NCAPD3: variants seen among roughly 807,000 people sequenced by gnomAD.
The protein encoded by NCAPD3 is non-SMC condensin II complex subunit D3.
In NCAPD3, 105 loss-of-function variants were observed where a neutral mutation model predicts 182.9. The ratio of observed to expected loss-of-function variants is 0.57; its 90% confidence interval spans 0.49 to 0.68. The LOEUF is 0.68. Ranked by LOEUF, NCAPD3 falls within the 30% of genes least tolerant of loss-of-function variation. NCAPD3 has a pLI of 0.00. For synonymous variants in NCAPD3, 815 were observed against 679.9 expected, an observed-to-expected ratio of 1.20 and a Z score of -3.09; for missense variants, 1,944 against 1,837.0, an observed-to-expected ratio of 1.06 and a Z score of -1.07.
intron 19 of NCAPD3, among the ~76,000 whole-genome samples, chr11:134,182,148 G>A (rs373893937): frequency 3.9e-5 from 6 of 152,176 alleles, no homozygotes; most frequent in African/African-American, 1.4e-4. Flanking sequence ...CAGAACCTGG[G>A]TACTAGGACT....
intron 20 of NCAPD3, 46 bp downstream of exon 20, chr11:134,181,031 G>A (rs757801923): frequency 7.1e-7 from 1 of 1,415,446 alleles, no homozygotes; most frequent in South Asian, 1.2e-5. Flanking sequence ...GAACCTCACG[G>A]ATAAAATGGA....
intron 27 of NCAPD3, among the ~76,000 whole-genome samples, chr11:134,165,290 G>A (rs547170061): frequency 6.1e-5 from 9 of 148,702 alleles, no homozygotes; most frequent in African/African-American, 2.2e-4. Flanking sequence ...CTTGTGAGAT[G>A]AACTTAGGGA....
intron 27 of NCAPD3, among the ~76,000 whole-genome samples, chr11:134,164,135 A>T (rs1306317709): frequency 3.9e-5 from 6 of 152,190 alleles, no homozygotes; most frequent in African/African-American, 1.4e-4. Context: ...TTGGCAATCC[A>T]GGCTAGGAGG....
intron 15 of NCAPD3, among the ~76,000 whole-genome samples, chr11:134,193,123 T>A (rs1174881528): frequency 6.6e-6 from 1 of 152,230 alleles, no homozygotes; most frequent in African/African-American, 2.4e-5. Flanking sequence ...AAAGTCACTA[T>A]TTTACTAGTA....
At chr11:134,153,488 C>T (rs1204473566) in intron 32 of NCAPD3, 125 bp from the exon 33 acceptor site, 5 of 925,770 alleles carry the variant, frequency 5.4e-6, no homozygotes, top group Non-Finnish European at 8.9e-6. Context: ...CTCAGACCTC[C>T]ACTGGACCCT....
chr11:134,169,642 C>A (rs1000575983), intron 24 of NCAPD3, among the ~76,000 whole-genome samples: 1 of 152,202 alleles, frequency 6.6e-6, no homozygotes, highest in Non-Finnish European at 1.5e-5. Context: ...CTCCTTCCAC[C>A]CATGCCCTCA....
At chr11:134,203,252 A>G in intron 11 of NCAPD3, 54 bp from the exon 12 acceptor site, 1 of 1,260,524 alleles carries the variant, frequency 7.9e-7, no homozygotes, top group East Asian at 2.3e-5. Flanking sequence ...AAACTGAGTA[A>G]TTATCCACGG....
chr11:134,156,993 C>A (rs753185858), intron 32 of NCAPD3, 25 bp downstream of exon 32: 1 of 1,582,902 alleles, frequency 6.3e-7, no homozygotes, highest in Non-Finnish European at 8.7e-7. Context: ...GAGGAGAAGC[C>A]CACGTGTTCC....
rs1943251038 is a variant in NCAPD3 at position 134,151,923 on chromosome 11, C to T, written c.*1021G>A. On this transcript the variant is annotated 3_prime_UTR_variant, in exon 35 of 35. Transcript: ENST00000534548. Reference sequence around the variant, plus strand: ...TGCTCAAGAGCAGTGCTGCGCCTCTCCGCCACCGAGCCCACCTGTGTTGCG... The same window carrying T: ...TGCTCAAGAGCAGTGCTGCGCCTCTTCGCCACCGAGCCCACCTGTGTTGCG... The T allele has an allele frequency of 6.6e-6, 1 of 152,202 alleles. No homozygotes were observed. The highest frequency in any genetic ancestry group is 2.4e-5 in the African/African-American group (1 of 41,450). 9.4% of individuals were successfully genotyped at this position (152,202 alleles called of 1,614,324 possible).
intron 27 of NCAPD3, among the ~76,000 whole-genome samples, 199 bp downstream of exon 27, chr11:134,167,795 ACT>A (rs769936509): frequency 2.2e-4 from 28 of 129,056 alleles, no homozygotes; most frequent in South Asian, 1.0e-3. Context: ...GGAGGTGCAC[ACT>A]CGTGAGATGA....
At chr11:134,174,400 A>T (rs1258001599) in intron 24 of NCAPD3, among the ~76,000 whole-genome samples, 2 of 150,800 alleles carry the variant, frequency 1.3e-5, no homozygotes, top group East Asian at 3.9e-4. Flanking sequence ...AAAAAAAAAA[A>T]AAAAAAGCAA....
At chr11:134,211,054 A>G (rs116801241) in intron 3 of NCAPD3, among the ~76,000 whole-genome samples, 1,596 of 152,328 alleles carry the variant, frequency 0.01, 24 homozygotes, top group African/African-American at 0.037. Context: ...CCAAGGAGCA[A>G]GAAGATGAAT....
rs184700874 is a variant in NCAPD3, at chr11:134,211,395, T to C, written c.383-941A>G. 4.2e-3 allele frequency among the ~76,000 whole-genome samples: 637 copies of C among 152,180 alleles called. 4 individuals are homozygous for C. Among genetic ancestry groups the C allele is most frequent in the African/African-American group, 0.015 (610 of 41,508 alleles). On this transcript the variant is annotated intron_variant, in intron 3 of 34. Coordinates refer to ENST00000534548, the MANE Select transcript of NCAPD3 (RefSeq NM_015261.3). ...AAGGGCAGTGGCTCATGCCTGTAAT[T>C]CCAACACTTTGGGAGGCTGAGGTGG...
At chr11:134,161,026 A>G (rs1354130484) in intron 28 of NCAPD3, among the ~76,000 whole-genome samples, 4 of 152,086 alleles carry the variant, frequency 2.6e-5, no homozygotes, top group Non-Finnish European at 4.4e-5. Context: ...TTATCATACA[A>G]TGAGACTATC....
chr11:134,178,696 G>T lies in NCAPD3; in HGVS notation c.2720C>A (p.Pro907His). 2 of 1,601,598 alleles carry T rather than the reference G, an allele frequency of 1.2e-6. No homozygotes were observed. Among genetic ancestry groups the T allele is most frequent in the Admixed American group, 1.7e-5 (1 of 59,308 alleles). ...GSSEAPASQP[P>H]PQVRGSVMPS... is the part of the protein sequence containing the mutation. ...CATGACAGAACCTCTGACCTGGGGG[G>T]GTGGCTGAGACGCTGGGGCCTCACT... is the stretch of plus-strand genomic sequence containing the variant. The change falls in exon 22 of 35, where the codon CCC (proline) becomes CAC (histidine). Residue 907 changes from proline (P) to histidine (H), a missense_variant. Pro to His is a moderately conservative substitution (Grantham distance 77). Coordinates refer to ENST00000534548, the MANE Select transcript of NCAPD3 (RefSeq NM_015261.3).
In NCAPD3 at chr11:134,157,957, G is replaced by C. The variant is rs1943470224; in HGVS notation, c.4145C>G (p.Ser1382Cys). Residue 1382 changes from serine (S) to cysteine (C), a missense_variant, in exon 31 of 35, where the codon TCT (serine) becomes TGT (cysteine). Around this residue, in one of 3 missense-constraint regions of NCAPD3, gnomAD observed 1,803 missense variants for 1,674.6 expected, o/e 1.08. Transcript: ENST00000534548. ...ACTGCACGTTTTTTCTGGGCTTCCA[G>C]AATTTAAAGTGAAAGGCAGCACTCC... ...SLGVLPFTLN[S>C]GSPEKTCSQV... 6.2e-7 allele frequency: 1 copy of C among 1,614,136 alleles called. No individual in the cohort carries two copies. Among genetic ancestry groups the C allele is most frequent in the Non-Finnish European group, 8.5e-7 (1 of 1,180,000 alleles).
intron 27 of NCAPD3, among the ~76,000 whole-genome samples, chr11:134,165,052 T>TA (rs1334915352): frequency 7.1e-6 from 1 of 141,548 alleles, no homozygotes; most frequent in Non-Finnish European, 1.5e-5. Context: ...TGCACACACT[T>TA]AGATTAGCTG....
At position 134,158,210 on chromosome 11, in the gene NCAPD3, G is replaced by A. The variant is rs531542399; in HGVS notation, c.4034+119C>T. 1.2e-4 allele frequency: 177 copies of A among 1,518,378 alleles called. No individual in the cohort carries two copies. The African/African-American group carries it at 1.8e-3, about 15-fold the overall frequency. The allele number at this position is 1,518,378 out of a possible 1,614,324, so 94.1% of individuals were successfully genotyped here. ...AACCTCCCAGGGCACAGTGTGGAGC[G>A]GGGTGGCAGGCCAGACAATGACAAT... On this transcript the variant is annotated intron_variant, in intron 30 of 34. Coordinates refer to ENST00000534548, the MANE Select transcript of NCAPD3 (RefSeq NM_015261.3).
At chr11:134,185,028 G>A (rs750900874) in intron 17 of NCAPD3, 28 bp from the exon 18 acceptor site, 6 of 1,535,040 alleles carry the variant, frequency 3.9e-6, no homozygotes, top group South Asian at 2.2e-5. Flanking sequence ...GGAATATGAA[G>A]GGAGAAGCAA....
Sources: gnomAD v4.1 joint callset for allele counts (sites outside exome capture counted in the v4.1 genomes callset) on GRCh38, gnomAD v4.1.1 for gene constraint, gnomAD v4.1.1 regional missense constraint, MANE v1.5 for transcripts, NCBI Gene and HGNC (gene_info 2026-07-23, HGNC 2026-07-21) for gene names.